The following SYCP1 variants were observed in gnomAD, a reference collection of about 807,000 sequenced individuals.
SYCP1 encodes the protein cancer/testis antigen 8.
In SYCP1, 64 loss-of-function variants were observed where a neutral mutation model predicts 153.1. That is an observed-to-expected ratio of 0.42 (90% CI 0.34 to 0.51). SYCP1 has a LOEUF of 0.51. SYCP1 is among the 20% of genes least tolerant of loss of function. The probability of loss-of-function intolerance (pLI) is 0.06; values close to 1 mark genes in which losing one functional copy is unlikely to be tolerated. For missense variants in SYCP1, 997 were observed against 1,049.0 expected (o/e 0.95, Z 0.68); for synonymous variants, 384 against 341.8 (o/e 1.12, Z -1.36).
At chr1:114,862,773 A>C (rs963750705) in intron 8 of SYCP1, 4 of 152,102 alleles carry the variant, frequency 2.6e-5, no homozygotes, top group African/African-American at 4.8e-5. Flanking sequence ...GACATGTAGA[A>C]AGTTTTTTTT....
chr1:114,915,670 A>C (rs190187610), intron 20 of SYCP1, among the ~76,000 whole-genome samples: 10 of 152,324 alleles, frequency 6.6e-5, no homozygotes, highest in Non-Finnish European at 1.0e-4. Flanking sequence ...CAGTCAAATA[A>C]GGAGTAAGTT....
intron 21 of SYCP1, among the ~76,000 whole-genome samples, chr1:114,925,935 A>G (rs116576154): frequency 0.01 from 1,555 of 152,196 alleles, 26 homozygotes; most frequent in African/African-American, 0.036. Context: ...ATGCTAGTTA[A>G]CATATTCATC....
In SYCP1 at chr1:114,887,671, T is replaced by G. The variant is rs112897620; in HGVS notation, c.1236T>G (p.Leu412=). The G allele has an allele frequency of 2.6e-6, 4 of 1,556,906 alleles. No homozygotes were observed. The highest frequency in any genetic ancestry group is 2.6e-6 in the Non-Finnish European group (3 of 1,148,152). ...AATTGAAAATACTTACCATGGAGCT[T>G]CAAAAGAAATCAAGTGAGCTGGGTA... The part of the protein sequence containing the change: ...EDQLKILTME[L]QKKSSELEEM... The change falls in exon 15 of 32, where the codon CTT becomes CTG. Residue 412 remains leucine (L), a synonymous_variant. Coordinates refer to ENST00000369522, the MANE Select transcript of SYCP1 (RefSeq NM_003176.4).
chr1:114,857,346 G>A, intron 4 of SYCP1, 71 bp downstream of exon 4: 1 of 1,549,044 alleles, frequency 6.5e-7, no homozygotes, highest in Non-Finnish European at 8.8e-7. Flanking sequence ...GACGAAAAAA[G>A]TCTTTAGTTA....
chr1:114,947,272 T>A lies in SYCP1; in HGVS notation c.2274T>A (p.Ala758=), dbSNP rs200544411. 1 of 1,613,010 alleles carries A rather than the reference T, an allele frequency of 6.2e-7. No individual in the cohort carries two copies. The highest frequency in any genetic ancestry group is 8.5e-7 in the Non-Finnish European group (1 of 1,179,546). The change falls in exon 27 of 32, where the codon GCT becomes GCA. Residue 758 remains alanine, a synonymous_variant. Transcript: ENST00000369522. ...AGATTGAACTATCCAATCTCAAAGC[T>A]GAACTTTTGTCTGTTAAGAAGCAAC... is the stretch of plus-strand genomic sequence containing the variant. ...SLEIELSNLK[A]ELLSVKKQLE...
At chr1:114,946,258 A>G in intron 25 of SYCP1, 31 bp from the exon 26 acceptor site, 1 of 1,243,516 alleles carries the variant, frequency 8.0e-7, no homozygotes, top group Non-Finnish European at 1.1e-6. Context: ...CAGTTTTAAT[A>G]TATCTAAAAT....
intron 30 of SYCP1, among the ~76,000 whole-genome samples, chr1:114,993,176 A>G (rs562038271): frequency 6.6e-6 from 1 of 151,748 alleles, no homozygotes; most frequent in East Asian, 1.9e-4. Flanking sequence ...TTTAAACCAC[A>G]TGATTTTAAA....
chr1:114,944,220 A>G, intron 23 of SYCP1, 119 bp from the exon 24 acceptor site: 1 of 601,320 alleles, frequency 1.7e-6, no homozygotes, highest in Non-Finnish European at 2.9e-6. Context: ...AAGTGATCCA[A>G]CCTAATTTCC....
intron 16 of SYCP1, among the ~76,000 whole-genome samples, chr1:114,903,487 T>C (rs376980238): frequency 9.2e-5 from 14 of 152,180 alleles, no homozygotes; most frequent in African/African-American, 2.9e-4. Context: ...GGAAACATGC[T>C]AAGATTCTTT....
intron 23 of SYCP1, among the ~76,000 whole-genome samples, chr1:114,936,049 T>G (rs1669983769): frequency 6.6e-6 from 1 of 152,176 alleles, no homozygotes; most frequent in Non-Finnish European, 1.5e-5. Flanking sequence ...CTAACTCATT[T>G]TATGAGGCCA....
intron 8 of SYCP1, chr1:114,863,250 C>A (rs2101329203): frequency 6.7e-6 from 1 of 150,064 alleles, no homozygotes; most frequent in South Asian, 2.1e-4. Context: ...TACACTCCCA[C>A]CAATAGTGTA....
chr1:114,867,648 AT>A lies in SYCP1; in HGVS notation c.598+6848del, dbSNP rs766259505. Among the ~76,000 whole-genome samples, 16 of 151,268 alleles carry A rather than the reference AT, an allele frequency of 1.1e-4. No homozygotes were observed. In the East Asian group the frequency reaches 1.9e-3, roughly 18 times the overall value. ...GCTGTAATTGCTTATTAGTTCCAGGATTTTTTTTTGTTAATTCTTTCAAATT... is the reference window on the plus strand; with the variant it reads ...GCTGTAATTGCTTATTAGTTCCAGGATTTTTTTTGTTAATTCTTTCAAATT... On this transcript the variant is annotated intron_variant, in intron 8 of 31. Transcript: ENST00000369522.
At chr1:114,885,154 T>C (rs1666205809) in intron 12 of SYCP1, among the ~76,000 whole-genome samples, 1 of 152,168 alleles carries the variant, frequency 6.6e-6, no homozygotes, top group Non-Finnish European at 1.5e-5. Flanking sequence ...ACCCACTCTT[T>C]TTATTCTATG....
intron 16 of SYCP1, among the ~76,000 whole-genome samples, chr1:114,907,986 T>G (rs2101656180): frequency 6.6e-6 from 1 of 152,250 alleles, no homozygotes; most frequent in Non-Finnish European, 1.5e-5. Context: ...AAAATGATCT[T>G]TTATATTTAT....
At chr1:114,931,768 A>G (rs994722678) in intron 23 of SYCP1, among the ~76,000 whole-genome samples, 1 of 152,200 alleles carries the variant, frequency 6.6e-6, no homozygotes, top group African/African-American at 2.4e-5. Flanking sequence ...CAATTTTGAG[A>G]AAGTAGAACA....
At chr1:114,922,824 T>G (rs1034646695) in intron 20 of SYCP1, among the ~76,000 whole-genome samples, 4 of 152,196 alleles carry the variant, frequency 2.6e-5, no homozygotes, top group African/African-American at 9.6e-5. Context: ...AAATCTCATC[T>G]GAGACAAGGC....
chr1:114,961,034 GTT>G (rs1225065134), intron 27 of SYCP1, among the ~76,000 whole-genome samples: 1 of 152,172 alleles, frequency 6.6e-6, no homozygotes, highest in Admixed American at 6.5e-5. Context: ...CTTGCTGCTT[GTT>G]ATTGGTCTGT....
intron 27 of SYCP1, among the ~76,000 whole-genome samples, chr1:114,966,826 A>G (rs1054870247): frequency 3.9e-5 from 6 of 151,988 alleles, no homozygotes; most frequent in African/African-American, 1.2e-4. Flanking sequence ...CCGGGACTAC[A>G]GGCATGTGCC....
chr1:114,916,777 A>T (rs59548869), intron 20 of SYCP1, among the ~76,000 whole-genome samples: 9,203 of 151,822 alleles, frequency 0.061, 952 homozygotes, highest in African/African-American at 0.21. Context: ...TATTATATGA[A>T]AGGTTTCAAT....
Sources: gnomAD v4.1 joint callset for allele counts (sites outside exome capture counted in the v4.1 genomes callset) on GRCh38, gnomAD v4.1.1 for gene constraint, MANE v1.5 for transcripts, NCBI Gene and HGNC (gene_info 2026-07-23, HGNC 2026-07-21) for gene names.